The following LAMA5 variants were observed in gnomAD, a reference collection of about 807,000 sequenced individuals.
LAMA5 encodes laminin subunit alpha-5.
In LAMA5, 260 loss-of-function variants were observed where a neutral mutation model predicts 433.4. That is an observed-to-expected ratio of 0.60 (90% CI 0.54 to 0.66). LAMA5 has a LOEUF of 0.66. LAMA5 is among the 30% of genes least tolerant of loss of function. LAMA5 has a pLI of 0.00. For synonymous variants in LAMA5, 2,620 were observed against 2,226.6 expected (o/e 1.18, Z -4.97); for missense variants, 5,378 against 5,258.5 (o/e 1.02, Z -0.70).
rs749970151 is a variant in LAMA5 at position 62,324,548 on chromosome 20, C to T, written c.5536G>A (p.Ala1846Thr). The change falls in exon 42 of 80, where the codon GCC (alanine) becomes ACC (threonine). Residue 1846 changes from alanine (A) to threonine (T), a missense_variant. By Grantham distance (58) the Ala-to-Thr change is moderately conservative. Transcript: ENST00000252999. The surrounding 1 kb of genome is among the most constrained non-coding windows in gnomAD (Gnocchi z 4.4). Reference sequence around the variant, plus strand: ...TTGACGTCCCGATAGAAGCCGGGGGCACATTCCTGAGGGTGTACGGGGGCA... The same window carrying T: ...TTGACGTCCCGATAGAAGCCGGGGGTACATTCCTGAGGGTGTACGGGGGCA... ...SYRGDSCQEC[A>T]PGFYRDVKGL... 2 of 1,610,264 alleles carry T rather than the reference C, an allele frequency of 1.2e-6. No homozygotes were observed. Among genetic ancestry groups the T allele is most frequent in the South Asian group, 2.2e-5 (2 of 90,702 alleles).
In LAMA5 at chr20:62,327,271, GCTCGGGGAAAGC is replaced by G; in HGVS notation, c.5062_5073del (p.Ala1688_Glu1691del). On this transcript the variant is annotated inframe_deletion, in exon 38 of 80. Coordinates refer to ENST00000252999, the MANE Select transcript of LAMA5 (RefSeq NM_005560.6). The stretch of plus-strand genomic sequence containing the variant: ...TAGGAGGGTGGGGCCTGCCAGTACA[GCTCGGGGAAAGC>G]CTCGGGCACAGCCTCAGGCACGTGC... The G allele has an allele frequency of 1.3e-6, 2 of 1,560,456 alleles. No individual in the cohort carries two copies. The highest frequency in any genetic ancestry group is 8.7e-7 in the Non-Finnish European group (1 of 1,152,966).
chr20:62,359,209 G>A lies in LAMA5; in HGVS notation c.450+3191C>T, dbSNP rs941151334. ...TCCTCACTCCTCATCTGAGGGAGGC[G>A]GGAGGCAATGCCCTCCTCTGCTGGG... On this transcript the variant is annotated intron_variant, in intron 2 of 79. Transcript: ENST00000252999. This position sits in a 1 kb window ranked among gnomAD's most constrained non-coding sequence, Gnocchi z 4.3. Among the ~76,000 whole-genome samples the A allele has an allele frequency of 2.6e-5, 4 of 152,134 alleles. No individual in the cohort carries two copies. In the South Asian group the frequency reaches 6.2e-4, roughly 24 times the overall value.
chr20:62,347,451 C>T (rs1248047307), intron 6 of LAMA5, among the ~76,000 whole-genome samples: 2 of 152,130 alleles, frequency 1.3e-5, no homozygotes, highest in Non-Finnish European at 2.9e-5. Context: ...GGCCAGGACT[C>T]GAGCGTAAGC....
intron 31 of LAMA5, 106 bp downstream of exon 31, chr20:62,330,382 C>T (rs1162284529): frequency 2.2e-6 from 3 of 1,389,150 alleles, no homozygotes; most frequent in East Asian, 5.1e-5. Flanking sequence ...AGGACAGAGT[C>T]ATGTTGCCTG....
In LAMA5 at chr20:62,362,555, G is replaced by A; in HGVS notation, c.298-3C>T. On this transcript the variant is annotated splice_polypyrimidine_tract_variant and splice_region_variant and intron_variant, in intron 1 of 79. Coordinates refer to ENST00000252999, the MANE Select transcript of LAMA5 (RefSeq NM_005560.6). ...GTGCAGATGTCACAGTACTGGCCCT[G>A]CAGAGGGAACGGGAGGGTCAGATAG... The A allele has an allele frequency of 1.9e-6, 3 of 1,552,938 alleles. No individual in the cohort carries two copies. Among genetic ancestry groups the A allele is most frequent in the Admixed American group, 1.9e-5 (1 of 53,858 alleles).
intron 52 of LAMA5, 57 bp downstream of exon 52, chr20:62,318,786 G>T: frequency 6.3e-7 from 1 of 1,590,206 alleles, no homozygotes; most frequent in Admixed American, 1.7e-5. Flanking sequence ...CCTCCCCCTT[G>T]GAGCTCCCAG....
At position 62,332,699 on chromosome 20, in the gene LAMA5, C is replaced by A; in HGVS notation, c.3301G>T (p.Val1101Leu). ...TGSDVDVQLQVAVPQPGRYAL... is the reference protein window; with the variant it reads ...TGSDVDVQLQLAVPQPGRYAL... Reference sequence around the variant, plus strand: ...TAGCGGCCTGGCTGTGGCACTGCCACTTGAAGCTGGACGTCCACCTGCAGG... The same window carrying A: ...TAGCGGCCTGGCTGTGGCACTGCCAATTGAAGCTGGACGTCCACCTGCAGG... The change falls in exon 27 of 80, where the codon GTG becomes TTG. Residue 1101 changes from valine (V) to leucine (L), a missense_variant. Physicochemically the swap from Val to Leu is conservative, Grantham distance 32. Transcript: ENST00000252999. 6.2e-7 allele frequency: 1 copy of A among 1,610,930 alleles called. No individual in the cohort carries two copies. The highest frequency in any genetic ancestry group is 8.5e-7 in the Non-Finnish European group (1 of 1,179,168).
intron 2 of LAMA5, among the ~76,000 whole-genome samples, chr20:62,361,119 C>T (rs767349880): frequency 2.8e-4 from 43 of 152,126 alleles, no homozygotes; most frequent in Non-Finnish European, 6.2e-4. Flanking sequence ...TTCACACGTA[C>T]GCTACAGCCA....
chr20:62,319,451 T>C (rs1247071062), intron 51 of LAMA5, among the ~76,000 whole-genome samples: 1 of 152,038 alleles, frequency 6.6e-6, no homozygotes, highest in Non-Finnish European at 1.5e-5. Context: ...ACCGGCACAT[T>C]TCCTGGGGAG....
chr20:62,337,814 G>A lies in LAMA5; in HGVS notation c.2016C>T (p.Pro672=), dbSNP rs758719658. The A allele has an allele frequency of 2.5e-6, 4 of 1,612,680 alleles. No individual in the cohort carries two copies. Among genetic ancestry groups the A allele is most frequent in the African/African-American group, 1.3e-5 (1 of 75,072 alleles). ...QECSPGFHGF[P]SCVPCHCSAE... ...TCCCTAGGCACTCACGGACACAGCT[G>A]GGGAAGCCGTGAAAGCCGGGGCTGC... Residue 672 remains proline, a synonymous_variant, in exon 15 of 80, where the codon CCC becomes CCT. Transcript: ENST00000252999.
Position 62,345,819 on chromosome 20 carries a change from C to T in LAMA5, c.1476G>A (p.Val492=). The part of the protein sequence containing the change: ...REQVLPAGQI[V]NCDCSAAGTQ... ...CCTGGGGGCCTCAAGGACACTTACT[C>T]ACAATCTGGCCGGCTGGCAGCACCT... Residue 492 remains valine, a splice_region_variant and synonymous_variant, in exon 11 of 80, where the codon GTG becomes GTA. Transcript: ENST00000252999. 1.9e-6 allele frequency: 3 copies of T among 1,550,836 alleles called. No individual in the cohort carries two copies. Among genetic ancestry groups the T allele is most frequent in the South Asian group, 1.2e-5 (1 of 84,060 alleles).
chr20:62,323,962 C>A, intron 43 of LAMA5, 106 bp from the exon 44 acceptor site: 1 of 1,427,708 alleles, frequency 7.0e-7, no homozygotes, highest in South Asian at 1.4e-5. Flanking sequence ...GGGGCCCAGA[C>A]CTCACGGACA....
chr20:62,335,731 C>A (rs1242530161), intron 18 of LAMA5, among the ~76,000 whole-genome samples: 2 of 146,846 alleles, frequency 1.4e-5, no homozygotes, highest in Non-Finnish European at 3.0e-5. Flanking sequence ...GGCTCCAGCA[C>A]CCCGAGGAAA....
intron 11 of LAMA5, among the ~76,000 whole-genome samples, chr20:62,343,957 C>A (rs967276104): frequency 1.3e-5 from 2 of 151,508 alleles, no homozygotes; most frequent in African/African-American, 2.4e-5. Context: ...CCAGCCTGAC[C>A]AACATGGAGA....
chr20:62,362,190 T>C (rs1175902748), intron 2 of LAMA5, among the ~76,000 whole-genome samples: 2 of 152,222 alleles, frequency 1.3e-5, no homozygotes, highest in Non-Finnish European at 2.9e-5. Context: ...CCCTGTGTCA[T>C]GGGGACGCTG....
Position 62,324,297 on chromosome 20 carries a change from G to A in LAMA5, c.5644-93C>T. On this transcript the variant is annotated intron_variant, in intron 42 of 79. Coordinates refer to ENST00000252999, the MANE Select transcript of LAMA5 (RefSeq NM_005560.6). This position sits in a 1 kb window ranked among gnomAD's most constrained non-coding sequence, Gnocchi z 4.4. ...CCACCACCCCTGCCTCAGACTCTGTGCCCAAGGCCAGATGGTCCCCCACTG... is the reference window on the plus strand; with the variant it reads ...CCACCACCCCTGCCTCAGACTCTGTACCCAAGGCCAGATGGTCCCCCACTG... 1.3e-6 allele frequency: 2 copies of A among 1,513,108 alleles called. No individual in the cohort carries two copies. The highest frequency in any genetic ancestry group is 1.2e-5 in the South Asian group (1 of 82,704). The allele number at this position is 1,513,108 out of a possible 1,614,324, so 93.7% of individuals were successfully genotyped here. A position where few individuals can be genotyped will look rare whatever the true frequency, so the allele number is the denominator to read the frequency against.
intron 37 of LAMA5, 57 bp downstream of exon 37, chr20:62,327,472 T>A (rs1475173262): frequency 3.1e-6 from 5 of 1,606,656 alleles, no homozygotes; most frequent in African/African-American, 2.7e-5. Context: ...CCATCTTGCA[T>A]CCAGTCCCAC....
In LAMA5 at chr20:62,349,698, G is replaced by GTGGGGGTGA. The variant is rs761655869; in HGVS notation, c.956+2005_956+2006insTCACCCCCA. ...GGTGATGGGGGTGATGATGGTGATG[G>GTGGGGGTGA]TGATGGTGATGGTGATGGTGATGGT... On this transcript the variant is annotated intron_variant, in intron 6 of 79. Transcript: ENST00000252999. Among the ~76,000 whole-genome samples the GTGGGGGTGA allele has an allele frequency of 0.018, 7 of 398 alleles. 3 individuals carry two copies. The Non-Finnish European group carries it at 0.23, about 13-fold the overall frequency. 0.3% of individuals were successfully genotyped at this position (398 alleles called of 152,430 possible). A position where few individuals can be genotyped will look rare whatever the true frequency, so the allele number is the denominator to read the frequency against.
intron 23 of LAMA5, 65 bp downstream of exon 23, chr20:62,333,836 A>AGTAGG (rs1555879183): frequency 1.7e-6 from 2 of 1,176,238 alleles, no homozygotes. Flanking sequence ...GGGGCTTGGG[A>AGTAGG]GTGGGGTGGG....
Sources: allele counts gnomAD v4.1 joint callset (sites outside exome capture counted in the v4.1 genomes callset), GRCh38; gene constraint gnomAD v4.1.1; non-coding constraint Gnocchi (gnomAD v3.1); transcripts MANE v1.5; gene names NCBI Gene and HGNC (gene_info 2026-07-23, HGNC 2026-07-21).